The following BMERB1 variants were observed in gnomAD, a reference collection of about 807,000 sequenced individuals.
The protein encoded by BMERB1 is bMERB domain-containing protein 1.
A neutral mutation model predicts 23.6 loss-of-function variants in BMERB1; 12 were observed. That is an observed-to-expected ratio of 0.51 (90% CI 0.33 to 0.82). The LOEUF is 0.82. Ranked by LOEUF, BMERB1 falls within the 40% of genes least tolerant of loss-of-function variation. The pLI, the probability that BMERB1 is intolerant of heterozygous loss-of-function variation, is 0.03. For synonymous variants in BMERB1, 122 were observed against 96.6 expected (o/e 1.26, Z -1.54); for missense variants, 247 against 255.4 (o/e 0.97, Z 0.22).
intron 2 of BMERB1, among the ~76,000 whole-genome samples, chr16:15,534,340 C>T (rs1262848394): frequency 1.4e-5 from 2 of 145,702 alleles, no homozygotes; most frequent in African/African-American, 2.5e-5. Context: ...CGGTGGCTCA[C>T]GTCTGTAATC....
At chr16:15,530,202 A>G (rs2051953728) in intron 2 of BMERB1, among the ~76,000 whole-genome samples, 2 of 152,130 alleles carry the variant, frequency 1.3e-5, no homozygotes, top group African/African-American at 2.4e-5. Flanking sequence ...GCATTCCATT[A>G]TTGGAACACT....
chr16:15,555,091 A>C (rs981540966), intron 2 of BMERB1, among the ~76,000 whole-genome samples: 4 of 152,098 alleles, frequency 2.6e-5, no homozygotes, highest in African/African-American at 9.7e-5. Context: ...AAAATTGACT[A>C]TTTTCAAAAG....
At chr16:15,568,420 T>C (rs1317485662) in intron 3 of BMERB1, among the ~76,000 whole-genome samples, 1 of 152,066 alleles carries the variant, frequency 6.6e-6, no homozygotes, top group Non-Finnish European at 1.5e-5. Flanking sequence ...GGTGGCTTAC[T>C]TGAGGTCAGG....
intron 1 of BMERB1, among the ~76,000 whole-genome samples, chr16:15,487,307 G>T (rs1252399940): frequency 6.6e-6 from 1 of 152,148 alleles, no homozygotes; most frequent in Non-Finnish European, 1.5e-5. Context: ...TATCAAGTTT[G>T]CCAGCATAAG....
At chr16:15,521,264 T>G (rs1283555231) in intron 2 of BMERB1, among the ~76,000 whole-genome samples, 3 of 152,204 alleles carry the variant, frequency 2.0e-5, no homozygotes, top group Non-Finnish European at 4.4e-5. Flanking sequence ...TCTCTGCACA[T>G]AAACTGTTTA....
chr16:15,523,087 G>A (rs1443759275), intron 2 of BMERB1, among the ~76,000 whole-genome samples: 1 of 152,134 alleles, frequency 6.6e-6, no homozygotes, highest in Non-Finnish European at 1.5e-5. Flanking sequence ...GATGGAGTGG[G>A]AAGGTTTCCC....
chr16:15,456,825 A>G (rs962245566), intron 1 of BMERB1, among the ~76,000 whole-genome samples: 1 of 151,916 alleles, frequency 6.6e-6, no homozygotes, highest in African/African-American at 2.4e-5. Context: ...TTTCCTCTAT[A>G]TAAATTCACT....
intron 1 of BMERB1, among the ~76,000 whole-genome samples, chr16:15,469,098 G>A (rs1336103219): frequency 6.6e-6 from 1 of 151,528 alleles, no homozygotes; most frequent in African/African-American, 2.4e-5. Context: ...TAAGTAGCTG[G>A]GACTACAAGT....
intron 1 of BMERB1, among the ~76,000 whole-genome samples, chr16:15,455,956 C>G (rs1024628052): frequency 6.6e-6 from 1 of 152,082 alleles, no homozygotes; most frequent in Non-Finnish European, 1.5e-5. Flanking sequence ...ATCAGGTTGA[C>G]GTTTTCCTTT....
At position 15,473,440 on chromosome 16, in the gene BMERB1, C is replaced by T. The variant is rs115108775; in HGVS notation, c.106+38681C>T. Among the ~76,000 whole-genome samples, 551 of 151,700 alleles carry T rather than the reference C, an allele frequency of 3.6e-3. 6 individuals carry two copies. The highest frequency in any genetic ancestry group is 0.013 in the African/African-American group (528 of 41,382). On this transcript the variant is annotated intron_variant, in intron 1 of 5. Coordinates refer to ENST00000300006, the MANE Select transcript of BMERB1 (RefSeq NM_033201.3). Reference sequence around the variant, plus strand: ...TGAGTAGCTGGGATTATATAGGCTCCTGCCACCATGCCCAGCTAATTTTTG... The same window carrying T: ...TGAGTAGCTGGGATTATATAGGCTCTTGCCACCATGCCCAGCTAATTTTTG...
chr16:15,451,555 T>C (rs1364203388), intron 1 of BMERB1, among the ~76,000 whole-genome samples: 16 of 135,530 alleles, frequency 1.2e-4, no homozygotes, highest in African/African-American at 4.5e-4. Flanking sequence ...AGTATTTCTT[T>C]TTTTTTTTTT....
chr16:15,544,305 A>G (rs2150963930), intron 2 of BMERB1, among the ~76,000 whole-genome samples: 1 of 152,350 alleles, frequency 6.6e-6, no homozygotes, highest in Non-Finnish European at 1.5e-5. Context: ...CCACATTTGT[A>G]TGAGTCACAT....
chr16:15,581,706 TCCTCCCAA>T (rs1319517787), intron 4 of BMERB1, among the ~76,000 whole-genome samples: 18 of 152,166 alleles, frequency 1.2e-4, no homozygotes, highest in Non-Finnish European at 2.5e-4. Context: ...CCAACCTCTG[TCCTCCCAA>T]CCTCCCAGCT....
At chr16:15,435,153 C>G (rs2050877184) in intron 1 of BMERB1, among the ~76,000 whole-genome samples, 2 of 152,344 alleles carry the variant, frequency 1.3e-5, no homozygotes, top group South Asian at 4.1e-4. Flanking sequence ...CTGGAAAGCG[C>G]CCACGTCCCT....
At chr16:15,581,404 T>C in intron 4 of BMERB1, 73 bp downstream of exon 4, 3 of 1,277,990 alleles carry the variant, frequency 2.3e-6, no homozygotes, top group African/African-American at 1.5e-5. Flanking sequence ...GAACCCATCT[T>C]CTGCTCCTGG....
intron 1 of BMERB1, among the ~76,000 whole-genome samples, chr16:15,495,122 GA>G (rs1452224167): frequency 6.6e-6 from 1 of 151,932 alleles, no homozygotes; most frequent in Non-Finnish European, 1.5e-5. Context: ...GACCTCAAGT[GA>G]TCCGCCTACC....
intron 2 of BMERB1, among the ~76,000 whole-genome samples, chr16:15,529,064 G>T (rs1359531080): frequency 6.6e-6 from 1 of 151,898 alleles, no homozygotes; most frequent in East Asian, 1.9e-4. Context: ...TAGCTCTGTC[G>T]CCCAGGCTGG....
chr16:15,510,231 A>G (rs904543769), intron 1 of BMERB1, among the ~76,000 whole-genome samples: 1 of 152,100 alleles, frequency 6.6e-6, no homozygotes, highest in Non-Finnish European at 1.5e-5. Flanking sequence ...TTATGGCACC[A>G]CGCTTGACTC....
At chr16:15,474,035 G>A (rs2051255322) in intron 1 of BMERB1, among the ~76,000 whole-genome samples, 1 of 151,642 alleles carries the variant, frequency 6.6e-6, no homozygotes, top group African/African-American at 2.4e-5. Flanking sequence ...CAGGAGAATG[G>A]CGTGAACCCA....
Sources: gnomAD v4.1 joint callset for allele counts (sites outside exome capture counted in the v4.1 genomes callset) on GRCh38, gnomAD v4.1.1 for gene constraint, MANE v1.5 for transcripts, NCBI Gene and HGNC (gene_info 2026-07-23, HGNC 2026-07-21) for gene names.